The following FBP1 variants were observed in gnomAD, a reference collection of about 807,000 sequenced individuals.
FBP1 encodes fructose-1,6-bisphosphatase 1.
FBP1 carries 22 observed loss-of-function variants against 29.9 expected under a neutral mutation model. That is an observed-to-expected ratio of 0.74 (90% CI 0.53 to 1.05). The LOEUF (loss-of-function observed/expected upper bound fraction) is 1.05. Among genes scored for constraint, FBP1 ranks in the 50% least tolerant of loss-of-function variants. The pLI is 0.00. For missense variants in FBP1, 345 were observed against 448.2 expected (o/e 0.77, Z 2.08); for synonymous variants, 175 against 178.6 (o/e 0.98, Z 0.16).
At chr9:94,607,046 C>T in intron 4 of FBP1, 94 bp from the exon 5 acceptor site, 1 of 1,565,486 alleles carries the variant, frequency 6.4e-7, no homozygotes, top group Non-Finnish European at 8.8e-7. Flanking sequence ...CTACGCTGGG[C>T]TGGGGTCGCG....
At chr9:94,613,622 GC>G (rs1453805489) in intron 3 of FBP1, among the ~76,000 whole-genome samples, 1 of 152,032 alleles carries the variant, frequency 6.6e-6, no homozygotes, top group Admixed American at 6.6e-5. Context: ...ACAAAAATTA[GC>G]CAGGTGTGGT....
chr9:94,609,809 C>T, intron 4 of FBP1, 112 bp downstream of exon 4: 1 of 1,183,324 alleles, frequency 8.5e-7, no homozygotes, highest in Middle Eastern at 2.7e-4. Context: ...CATCTCTGTC[C>T]CTCCATGGGC....
chr9:94,639,280 C>T lies in FBP1; in HGVS notation c.31G>A (p.Val11Ile). Residue 11 changes from valine to isoleucine, a missense_variant, in exon 1 of 7, where the codon GTC (valine) becomes ATC (isoleucine). Val to Ile is a conservative substitution (Grantham distance 29, BLOSUM62 3). Coordinates refer to ENST00000375326, the MANE Select transcript of FBP1 (RefSeq NM_000507.4). The stretch of plus-strand genomic sequence containing the variant: ...ATGACGAAGCGGGTCAGGGTGTTGA[C>T]GTCCGTGTCGAAGGGCGCCTGGTCA... MADQAPFDTD[V>I]NTLTRFVMEE... 1 of 1,607,324 alleles carries T rather than the reference C, an allele frequency of 6.2e-7. No homozygotes were observed. Among genetic ancestry groups the T allele is most frequent in the Non-Finnish European group, 8.5e-7 (1 of 1,177,060 alleles).
At chr9:94,608,083 C>T (rs973139870) in intron 4 of FBP1, among the ~76,000 whole-genome samples, 2 of 152,138 alleles carry the variant, frequency 1.3e-5, no homozygotes, top group South Asian at 2.1e-4. Context: ...GGGTGCAGAG[C>T]GCAGGGCCCA....
intron 4 of FBP1, among the ~76,000 whole-genome samples, chr9:94,607,374 G>T (rs1463223605): frequency 6.6e-6 from 1 of 152,164 alleles, no homozygotes; most frequent in Admixed American, 6.5e-5. Context: ...GGAGAGACGG[G>T]CCACCGCAGG....
chr9:94,604,168 T>A (rs1447790867), intron 6 of FBP1, among the ~76,000 whole-genome samples: 1 of 152,186 alleles, frequency 6.6e-6, no homozygotes, highest in Admixed American at 6.5e-5. Context: ...GTCTGCCTAC[T>A]GAGCGACAGC....
intron 1 of FBP1, among the ~76,000 whole-genome samples, chr9:94,632,687 A>G (rs1161248676): frequency 2.0e-5 from 3 of 152,170 alleles, no homozygotes; most frequent in Non-Finnish European, 4.4e-5. Flanking sequence ...ATAAAGAAAT[A>G]TAGCCTTCAG....
At position 94,603,204 on chromosome 9, in the gene FBP1, T is replaced by C. The variant is rs1281210249; in HGVS notation, c.*177A>G. On this transcript the variant is annotated 3_prime_UTR_variant, in exon 7 of 7. Coordinates refer to ENST00000375326, the MANE Select transcript of FBP1 (RefSeq NM_000507.4). ...ATATATCTTAACACCAGTGGCATTA[T>C]GGAGACAGCATTTGGTTAGGGAGTG... The C allele has an allele frequency of 9.2e-6, 6 of 654,134 alleles. No individual in the cohort carries two copies. Among genetic ancestry groups the C allele is most frequent in the African/African-American group, 3.6e-5 (2 of 55,606 alleles). 40.5% of individuals were successfully genotyped at this position (654,134 alleles called of 1,614,324 possible).
At chr9:94,634,018 G>A (rs1223992979) in intron 1 of FBP1, among the ~76,000 whole-genome samples, 1 of 150,796 alleles carries the variant, frequency 6.6e-6, no homozygotes, top group Non-Finnish European at 1.5e-5. Context: ...TTCAGACCGG[G>A]CGCAGTGGCT....
At chr9:94,625,534 G>T (rs1488038671) in intron 1 of FBP1, among the ~76,000 whole-genome samples, 2 of 152,018 alleles carry the variant, frequency 1.3e-5, no homozygotes, top group African/African-American at 4.8e-5. Context: ...AGTGGCTCAC[G>T]CCTGTAATCC....
intron 4 of FBP1, among the ~76,000 whole-genome samples, chr9:94,608,943 G>A (rs558507372): frequency 4.6e-5 from 7 of 152,296 alleles, no homozygotes; most frequent in Admixed American, 3.3e-4. Flanking sequence ...GCTCATGCCT[G>A]TAATCCCAGC....
intron 3 of FBP1, among the ~76,000 whole-genome samples, chr9:94,612,163 C>T (rs1022804797): frequency 2.0e-5 from 3 of 152,154 alleles, no homozygotes; most frequent in Admixed American, 6.6e-5. Context: ...AATTAATGGC[C>T]TTTGTCAACA....
intron 4 of FBP1, among the ~76,000 whole-genome samples, chr9:94,607,455 C>T (rs985905297): frequency 6.6e-6 from 1 of 152,292 alleles, no homozygotes; most frequent in East Asian, 1.9e-4. Context: ...GATGGGAGTT[C>T]TCCTTTCTGG....
chr9:94,631,231 T>C (rs929624625), intron 1 of FBP1, among the ~76,000 whole-genome samples: 2 of 152,186 alleles, frequency 1.3e-5, no homozygotes, highest in Admixed American at 6.6e-5. Flanking sequence ...GAAGGAGCTC[T>C]TCCTGGAGTT....
intron 1 of FBP1, among the ~76,000 whole-genome samples, chr9:94,620,984 C>T (rs1250224939): frequency 6.6e-5 from 10 of 152,140 alleles, no homozygotes; most frequent in South Asian, 2.1e-4. Context: ...GAGGCTGAGG[C>T]GGGTGGATCA....
intron 3 of FBP1, among the ~76,000 whole-genome samples, chr9:94,612,218 T>C (rs370108310): frequency 1.1e-4 from 17 of 152,294 alleles, no homozygotes; most frequent in African/African-American, 3.4e-4. Context: ...CCAGCTTCCC[T>C]TGAAGCCAGG....
chr9:94,639,844 G>A (rs983995436), upstream of FBP1, among the ~76,000 whole-genome samples: 7 of 152,196 alleles, frequency 4.6e-5, no homozygotes, highest in African/African-American at 1.4e-4. Flanking sequence ...CGGAAGTTCA[G>A]AAAGGTTAAG....
At chr9:94,613,536 G>A (rs200490674) in intron 3 of FBP1, among the ~76,000 whole-genome samples, 5 of 53,482 alleles carry the variant, frequency 9.3e-5, no homozygotes, top group Non-Finnish European at 1.9e-4. Context: ...AGGTCGAGGC[G>A]GGAGGATCGC....
Position 94,639,369 on chromosome 9 carries a change from TGCGGGCG to T in FBP1, c.-66_-60del. 2 of 1,558,066 alleles carry T rather than the reference TGCGGGCG, an allele frequency of 1.3e-6. No homozygotes were observed. Among genetic ancestry groups the T allele is most frequent in the Non-Finnish European group, 1.7e-6 (2 of 1,149,390 alleles). On this transcript the variant is annotated 5_prime_UTR_variant, in exon 1 of 7. Transcript: ENST00000375326. ...CAAGCGGCAGGTGCGGGGCTGCAGGTGCGGGCGGCAAGAGAGGGCAGTAGGCACTGGC... is the reference window on the plus strand; with the variant it reads ...CAAGCGGCAGGTGCGGGGCTGCAGGTGCAAGAGAGGGCAGTAGGCACTGGC...
Sources: allele counts gnomAD v4.1 joint callset (sites outside exome capture counted in the v4.1 genomes callset), GRCh38; gene constraint gnomAD v4.1.1; transcripts MANE v1.5; gene names NCBI Gene and HGNC (gene_info 2026-07-23, HGNC 2026-07-21).